Variants in ATP8B4 observed in about 807,000 individuals in gnomAD.
ATP8B4 encodes probable phospholipid-transporting ATPase IM.
Under a neutral mutation model 145.6 loss-of-function variants are expected in ATP8B4, and 133 were observed. The ratio of observed to expected loss-of-function variants is 0.91; its 90% CI spans 0.79 to 1.05. ATP8B4 has a LOEUF of 1.05. Ranked by LOEUF, ATP8B4 falls within the 50% of genes least tolerant of loss-of-function variation. ATP8B4 has a pLI of 0.00. For missense variants in ATP8B4, 1,458 were observed against 1,425.2 expected, an observed-to-expected ratio of 1.02 and a Z score of -0.37; for synonymous variants, 507 against 492.9, an observed-to-expected ratio of 1.03 and a Z score of -0.38.
At chr15:49,986,982 G>T (rs1329746194) in intron 10 of ATP8B4, among the ~76,000 whole-genome samples, 1 of 150,546 alleles carries the variant, frequency 6.6e-6, no homozygotes, top group South Asian at 2.1e-4. Context: ...TTTTCCAAAT[G>T]GTCTGCTTGA....
intron 1 of ATP8B4, among the ~76,000 whole-genome samples, chr15:50,128,204 A>C (rs2097167988): frequency 1.3e-5 from 2 of 152,266 alleles, no homozygotes; most frequent in Admixed American, 1.3e-4. Context: ...TCATGGAGAC[A>C]GACACCAGAG....
chr15:50,074,819 A>T (rs1600213645), intron 2 of ATP8B4, among the ~76,000 whole-genome samples: 1 of 152,222 alleles, frequency 6.6e-6, no homozygotes, highest in African/African-American at 2.4e-5. Flanking sequence ...ACAGTGCAGA[A>T]TAAAAATTTG....
intron 7 of ATP8B4, among the ~76,000 whole-genome samples, chr15:50,005,850 A>G (rs545066042): frequency 1.1e-4 from 16 of 152,338 alleles, no homozygotes; most frequent in African/African-American, 3.8e-4. Flanking sequence ...TGGTGAAAGA[A>G]TATTTGGATT....
intron 24 of ATP8B4, among the ~76,000 whole-genome samples, chr15:49,877,962 C>CTTGG (rs2034753724): frequency 1.3e-5 from 2 of 152,096 alleles, no homozygotes; most frequent in South Asian, 4.1e-4. Flanking sequence ...CTCTCCAAGG[C>CTTGG]TTGGTTTCTG....
At chr15:50,014,323 C>A (rs185005536) in intron 6 of ATP8B4, among the ~76,000 whole-genome samples, 165 of 152,262 alleles carry the variant, frequency 1.1e-3, no homozygotes, top group African/African-American at 3.8e-3. Flanking sequence ...TGCTCATACA[C>A]TTTTTTTGTT....
chr15:49,900,120 T>C (rs989531643), intron 21 of ATP8B4, among the ~76,000 whole-genome samples: 12 of 152,216 alleles, frequency 7.9e-5, no homozygotes, highest in African/African-American at 2.9e-4. Flanking sequence ...ACTGTTCTTC[T>C]GTGCATAAAG....
chr15:50,140,424 C>T (rs1238390727), intron 1 of ATP8B4, among the ~76,000 whole-genome samples: 1 of 152,130 alleles, frequency 6.6e-6, no homozygotes, highest in East Asian at 1.9e-4. Context: ...ATAATTATAT[C>T]CCTGTCTACC....
intron 2 of ATP8B4, among the ~76,000 whole-genome samples, chr15:50,099,667 G>C (rs2056221597): frequency 6.6e-6 from 1 of 152,150 alleles, no homozygotes; most frequent in Non-Finnish European, 1.5e-5. Context: ...ACAGAAAATA[G>C]ACTGTAATCA....
chr15:49,933,969 T>TA, intron 15 of ATP8B4, 48 bp downstream of exon 15: 1 of 1,460,174 alleles, frequency 6.8e-7, no homozygotes, highest in Non-Finnish European at 9.1e-7. Context: ...GTTTCAATTT[T>TA]AAAAAACAAA....
intron 1 of ATP8B4, among the ~76,000 whole-genome samples, chr15:50,167,092 G>T (rs915285461): frequency 1.3e-5 from 2 of 152,118 alleles, no homozygotes; most frequent in Non-Finnish European, 2.9e-5. Flanking sequence ...GCCTACTTTA[G>T]GTCCTTGTAC....
chr15:49,864,095 A>ATTCT (rs1368664693), intron 26 of ATP8B4, among the ~76,000 whole-genome samples: 1 of 152,234 alleles, frequency 6.6e-6, no homozygotes, highest in East Asian at 1.9e-4. Flanking sequence ...CAATATGCTC[A>ATTCT]TTCTTACTCA....
intron 17 of ATP8B4, among the ~76,000 whole-genome samples, chr15:49,920,836 T>C (rs1566992907): frequency 2.0e-5 from 3 of 152,150 alleles, no homozygotes; most frequent in Non-Finnish European, 4.4e-5. Context: ...AAAGGACCCT[T>C]AGAGAAGCCA....
chr15:50,085,298 C>T (rs1235866312), intron 2 of ATP8B4, among the ~76,000 whole-genome samples: 1 of 152,110 alleles, frequency 6.6e-6, no homozygotes, highest in African/African-American at 2.4e-5. Context: ...AATATTTTAG[C>T]CACAGGGGGC....
chr15:49,901,883 C>T (rs1328797005), intron 20 of ATP8B4: 1 of 392,750 alleles, frequency 2.5e-6, no homozygotes, highest in Non-Finnish European at 4.9e-6. Context: ...AAAAACTAGA[C>T]ACCAAAATAT....
chr15:50,142,657 T>C (rs2044227423), intron 1 of ATP8B4, among the ~76,000 whole-genome samples: 1 of 152,098 alleles, frequency 6.6e-6, no homozygotes, highest in African/African-American at 2.4e-5. Context: ...TGGCTCTAGT[T>C]TAAGGTAGTA....
chr15:49,957,892 AT>A (rs2043720327), intron 14 of ATP8B4, among the ~76,000 whole-genome samples: 1 of 151,892 alleles, frequency 6.6e-6, no homozygotes, highest in Non-Finnish European at 1.5e-5. Flanking sequence ...ACCTAAAAAA[AT>A]ATAATTAACA....
Position 49,876,305 on chromosome 15 carries a change from T to C in ATP8B4, c.3000A>G (p.Thr1000=). 6.2e-7 allele frequency: 1 copy of C among 1,614,102 alleles called. No homozygotes were observed. The highest frequency in any genetic ancestry group is 1.1e-5 in the South Asian group (1 of 91,082). The change falls in exon 25 of 28, where the codon ACA becomes ACG. Residue 1000 remains threonine, a synonymous_variant. Transcript: ENST00000284509. ...DYQSFAVTMA[T]SLVIVVSVQI... ...GCACACTGACCACAATGACCAAAGA[T>C]GTGGCCATGGTAACTGCAAAGGACT...
chr15:49,886,392 T>C (rs2036191323), intron 23 of ATP8B4, among the ~76,000 whole-genome samples: 1 of 152,010 alleles, frequency 6.6e-6, no homozygotes, highest in Non-Finnish European at 1.5e-5. Context: ...CACCATATTA[T>C]GGAAGGAAGA....
At position 49,987,417 on chromosome 15, in the gene ATP8B4, C is replaced by A. The variant is rs1160428873; in HGVS notation, c.722G>T (p.Trp241Leu). 6.2e-7 allele frequency: 1 copy of A among 1,613,550 alleles called. No individual in the cohort carries two copies. Among genetic ancestry groups the A allele is most frequent in the Non-Finnish European group, 8.5e-7 (1 of 1,179,726 alleles). Residue 241 changes from tryptophan (W) to leucine (L), a missense_variant, in exon 10 of 28, where the codon TGG becomes TTG. Transcript: ENST00000284509. ...TGCAAAAATAACCATTCCAAAACAC[C>A]AGCTGGTATTTCTCAGGATGCAGCC... ...LRGCILRNTS[W>L]CFGMVIFAGP... is the part of the protein sequence containing the mutation.
Sources: allele counts gnomAD v4.1 joint callset (sites outside exome capture counted in the v4.1 genomes callset), GRCh38; gene constraint gnomAD v4.1.1; transcripts MANE v1.5; gene names NCBI Gene and HGNC (gene_info 2026-07-23, HGNC 2026-07-21).